Variants in KCND3 observed in about 807,000 individuals in gnomAD.
The protein encoded by KCND3 is A-type voltage-gated potassium channel KCND3.
KCND3 carries 9 observed loss-of-function variants against 51.1 expected under a neutral mutation model. The ratio of observed to expected loss-of-function variants is 0.18; its 90% CI spans 0.11 to 0.31. The LOEUF is 0.31. Ranked by LOEUF, KCND3 falls within the 10% of genes least tolerant of loss-of-function variation. The pLI is 1.00. For synonymous variants in KCND3, 349 were observed against 368.0 expected, an observed-to-expected ratio of 0.95 and a Z score of 0.59; for missense variants, 526 against 903.8, an observed-to-expected ratio of 0.58 and a Z score of 5.36.
At position 111,981,612 on chromosome 1, in the gene KCND3, C is replaced by G; in HGVS notation, c.1106+9G>C. The G allele has an allele frequency of 2.5e-6, 4 of 1,614,170 alleles. No homozygotes were observed. Among genetic ancestry groups the G allele is most frequent in the Non-Finnish European group, 3.4e-6 (4 of 1,180,018 alleles). On this transcript the variant is annotated intron_variant, in intron 2 of 7. Transcript: ENST00000302127. The surrounding 1 kb of genome is among the most constrained non-coding windows in gnomAD (Gnocchi z 6.2). ...TCCGTCCTGGTTTCATCCACCAGCGCTGACTTACCCCAGTGTGGTCATGGT... is the reference window on the plus strand; with the variant it reads ...TCCGTCCTGGTTTCATCCACCAGCGGTGACTTACCCCAGTGTGGTCATGGT...
chr1:111,806,011 TCTGGCCTTCCCCA>T (rs936214661), intron 2 of KCND3, among the ~76,000 whole-genome samples: 4 of 152,190 alleles, frequency 2.6e-5, no homozygotes, highest in Admixed American at 6.5e-5. Flanking sequence ...CGAAATCCTG[TCTGGCCTTCCCCA>T]GGGGCCTTTT....
At chr1:111,926,599 C>A (rs949223213) in intron 2 of KCND3, among the ~76,000 whole-genome samples, 1 of 152,252 alleles carries the variant, frequency 6.6e-6, no homozygotes, top group Admixed American at 6.5e-5. Flanking sequence ...CTTGTTCTCA[C>A]GGTAGAACAC....
intron 2 of KCND3, among the ~76,000 whole-genome samples, chr1:111,792,631 T>C (rs1439516030): frequency 6.6e-6 from 1 of 152,196 alleles, no homozygotes; most frequent in Non-Finnish European, 1.5e-5. Flanking sequence ...CTGGGTGACC[T>C]TGGCCATGAT....
intron 1 of KCND3, among the ~76,000 whole-genome samples, chr1:111,985,851 C>T (rs988665450): frequency 1.3e-5 from 2 of 152,176 alleles, no homozygotes; most frequent in Non-Finnish European, 2.9e-5. Flanking sequence ...ATGACAATGA[C>T]ATTTCCCGTA....
Position 111,780,431 on chromosome 1 carries a change from G to A in KCND3, c.1372-117C>T. On this transcript the variant is annotated intron_variant, in intron 4 of 7. Coordinates refer to ENST00000302127, the MANE Select transcript of KCND3 (RefSeq NM_001378969.1). This position sits in a 1 kb window ranked among gnomAD's most constrained non-coding sequence, Gnocchi z 4.2. ...AGAATAATCAAATTTTTTTTTATTT[G>A]ACCAAATTTCAGGGTCAGCATTGAA... 1 of 1,100,314 alleles carries A rather than the reference G, an allele frequency of 9.1e-7. No individual in the cohort carries two copies. Among genetic ancestry groups the A allele is most frequent in the Non-Finnish European group, 1.4e-6 (1 of 739,584 alleles). The allele number at this position is 1,100,314 out of a possible 1,614,324, so 68.2% of individuals were successfully genotyped here.
intron 2 of KCND3, among the ~76,000 whole-genome samples, chr1:111,945,199 G>A (rs955325571): frequency 6.6e-6 from 1 of 152,224 alleles, no homozygotes; most frequent in Non-Finnish European, 1.5e-5. Context: ...CAGATGATTT[G>A]TTGAGCAGAA....
At chr1:111,917,314 G>A (rs1356491625) in intron 2 of KCND3, among the ~76,000 whole-genome samples, 1 of 152,170 alleles carries the variant, frequency 6.6e-6, no homozygotes, top group Non-Finnish European at 1.5e-5. Context: ...AAAACTGCAG[G>A]CTCCATGCTC....
chr1:111,816,561 C>T (rs1164761909), intron 2 of KCND3, among the ~76,000 whole-genome samples: 1 of 152,238 alleles, frequency 6.6e-6, no homozygotes, highest in African/African-American at 2.4e-5. Context: ...AACATACCTG[C>T]CTTCACACCC....
intron 2 of KCND3, among the ~76,000 whole-genome samples, chr1:111,793,622 T>C (rs375726265): frequency 2.0e-5 from 3 of 152,334 alleles, no homozygotes; most frequent in African/African-American, 7.2e-5. Context: ...CAGTAAACAC[T>C]CATTAAATGG....
rs372893473 is a variant in KCND3, at chr1:111,963,175, C to G, written c.1106+18446G>C. 6.7e-4 allele frequency among the ~76,000 whole-genome samples: 102 copies of G among 152,292 alleles called. 2 individuals carry two copies. In the South Asian group the frequency reaches 0.021, roughly 31 times the overall value. On this transcript the variant is annotated intron_variant, in intron 2 of 7. Transcript: ENST00000302127. ...CTGCCGAGACAACTCAACCCCCCACCATACAGAATCATGAGATGTAATAAA... is the reference window on the plus strand; with the variant it reads ...CTGCCGAGACAACTCAACCCCCCACGATACAGAATCATGAGATGTAATAAA...
intron 2 of KCND3, among the ~76,000 whole-genome samples, chr1:111,867,108 G>A (rs1300902335): frequency 2.0e-5 from 3 of 152,216 alleles, no homozygotes; most frequent in Non-Finnish European, 4.4e-5. Context: ...GGAGACAGCA[G>A]TAGTCGCTAA....
chr1:111,795,692 G>T (rs1665025733), intron 2 of KCND3, among the ~76,000 whole-genome samples: 1 of 152,136 alleles, frequency 6.6e-6, no homozygotes, highest in Non-Finnish European at 1.5e-5. Context: ...AATCCTTTGG[G>T]TATTTATCCA....
chr1:111,987,668 C>T (rs990339785), intron 1 of KCND3, among the ~76,000 whole-genome samples: 1 of 152,216 alleles, frequency 6.6e-6, no homozygotes, highest in Non-Finnish European at 1.5e-5. Context: ...GAGCCAACAC[C>T]TTCCGGAGCT....
At chr1:111,950,151 T>C (rs1371278371) in intron 2 of KCND3, among the ~76,000 whole-genome samples, 1 of 152,234 alleles carries the variant, frequency 6.6e-6, no homozygotes, top group Non-Finnish European at 1.5e-5. Context: ...CCTCAGGTGA[T>C]CCACCTGCCT....
intron 2 of KCND3, among the ~76,000 whole-genome samples, chr1:111,934,430 A>C (rs1420644193): frequency 6.6e-6 from 1 of 152,240 alleles, no homozygotes; most frequent in Non-Finnish European, 1.5e-5. Flanking sequence ...GATCAGAGAA[A>C]CCAGAGCTAG....
intron 2 of KCND3, among the ~76,000 whole-genome samples, chr1:111,844,381 TG>T (rs1410350856): frequency 1.3e-5 from 2 of 152,176 alleles, no homozygotes; most frequent in East Asian, 3.8e-4. Flanking sequence ...GCTTCTTTGA[TG>T]GATATACAAA....
intron 2 of KCND3, among the ~76,000 whole-genome samples, chr1:111,879,549 G>A (rs1390035706): frequency 1.3e-5 from 2 of 152,174 alleles, no homozygotes; most frequent in Admixed American, 6.5e-5. Flanking sequence ...TGTGCTATGG[G>A]GCTGAAAAGA....
At chr1:111,902,331 G>T (rs1557708415) in intron 2 of KCND3, among the ~76,000 whole-genome samples, 1 of 152,196 alleles carries the variant, frequency 6.6e-6, no homozygotes, top group African/African-American at 2.4e-5. Context: ...TACATCCAGT[G>T]GCAACTGAAT....
Position 111,934,563 on chromosome 1 carries a change from T to C in KCND3, c.1106+47058A>G, listed in dbSNP as rs150053372. 4.7e-3 allele frequency among the ~76,000 whole-genome samples: 712 copies of C among 152,300 alleles called. 1 individual carries two copies. Among genetic ancestry groups the C allele is most frequent in the Non-Finnish European group, 8.0e-3 (546 of 68,034 alleles). On this transcript the variant is annotated intron_variant, in intron 2 of 7. Coordinates refer to ENST00000302127, the MANE Select transcript of KCND3 (RefSeq NM_001378969.1). ...CCAGACCAGCGCCCCGCCAGACTCG[T>C]GTATGTTCTGGAAAAGCCATTATCA...
Sources: gnomAD v4.1 joint callset for allele counts (sites outside exome capture counted in the v4.1 genomes callset) on GRCh38, gnomAD v4.1.1 for gene constraint, Gnocchi (gnomAD v3.1) non-coding constraint, MANE v1.5 for transcripts, NCBI Gene and HGNC (gene_info 2026-07-23, HGNC 2026-07-21) for gene names.